The following MROH2B variants were observed in gnomAD, a reference collection of about 807,000 sequenced individuals.
MROH2B encodes maestro heat like repeat family member 2B, also known as maestro heat-like repeat-containing protein family member 2B.
Under a neutral mutation model 208.6 loss-of-function variants are expected in MROH2B, and 177 were observed. The ratio of observed to expected loss-of-function variants is 0.85; its 90% CI spans 0.75 to 0.96. The LOEUF is 0.96. Among genes scored for constraint, MROH2B ranks in the 40% least tolerant of loss-of-function variants. MROH2B has a pLI of 0.00. For missense variants in MROH2B, 2,002 were observed against 1,878.7 expected, an observed-to-expected ratio of 1.07 and a Z score of -1.21; for synonymous variants, 728 against 659.0, an observed-to-expected ratio of 1.10 and a Z score of -1.60.
rs1743391714 is a variant in MROH2B, at chr5:41,054,779, A to T, written c.1095T>A (p.Asp365Glu). The change falls in exon 11 of 42, where the codon GAT becomes GAA. Residue 365 changes from aspartate (D) to glutamate (E), a missense_variant. Transcript: ENST00000399564. ...IERTVKIVMG[D>E]LSTKVRNSVL... ...TTAATTCTCTTACTTTTGTACTGAG[A>T]TCACCCATGACGATTTTGACTGTTC... 3 of 1,610,308 alleles carry T rather than the reference A, an allele frequency of 1.9e-6. No homozygotes were observed. The highest frequency in any genetic ancestry group is 2.7e-5 in the African/African-American group (2 of 74,800).
intron 6 of MROH2B, among the ~76,000 whole-genome samples, chr5:41,061,340 G>T (rs1164344203): frequency 6.6e-6 from 1 of 152,068 alleles, no homozygotes. Flanking sequence ...TACAACCTCG[G>T]CATCTGGAAT....
At chr5:41,000,858 G>A in intron 37 of MROH2B, 25 bp from the exon 38 acceptor site, 1 of 1,597,106 alleles carries the variant, frequency 6.3e-7, no homozygotes, top group Non-Finnish European at 8.5e-7. Flanking sequence ...GCATGTCGTG[G>A]TGAATATCCT....
intron 24 of MROH2B, among the ~76,000 whole-genome samples, chr5:41,021,434 A>C (rs1742144552): frequency 6.6e-6 from 1 of 152,216 alleles, no homozygotes; most frequent in Admixed American, 6.5e-5. Context: ...AGAAATAGAA[A>C]AATTCATCCT....
At chr5:41,041,682 A>G (rs325853) in intron 19 of MROH2B, among the ~76,000 whole-genome samples, 129,700 of 152,114 alleles carry the variant, frequency 0.85, 55,494 homozygotes, top group Middle Eastern at 0.89. Context: ...ATTTATATAT[A>G]CTCTATAGCC....
chr5:41,003,704 G>A (rs1741480057), intron 37 of MROH2B, among the ~76,000 whole-genome samples: 1 of 152,204 alleles, frequency 6.6e-6, no homozygotes, highest in African/African-American at 2.4e-5. Flanking sequence ...GAATGCACTA[G>A]AGAAGGCAAC....
intron 21 of MROH2B, among the ~76,000 whole-genome samples, chr5:41,037,408 C>A (rs1220331195): frequency 1.3e-5 from 2 of 152,160 alleles, no homozygotes; most frequent in Admixed American, 1.3e-4. Context: ...TCTTGAGGAG[C>A]ATGTTGAAAA....
chr5:41,018,298 G>C (rs1368950071), intron 27 of MROH2B, 43 bp downstream of exon 27: 1 of 1,557,014 alleles, frequency 6.4e-7, no homozygotes, highest in Non-Finnish European at 8.8e-7. Context: ...GATCCCTGCT[G>C]TTCACAAGCA....
intron 28 of MROH2B, 112 bp from the exon 29 acceptor site, chr5:41,015,590 G>T: frequency 1.2e-6 from 1 of 869,512 alleles, no homozygotes; most frequent in Non-Finnish European, 1.8e-6. Flanking sequence ...ATGAGATGGT[G>T]AACATAAGCG....
In MROH2B at chr5:41,071,297, T is replaced by G. The variant is rs1013315812; in HGVS notation, c.-445A>C. ...CCTGATGTTGGGAAAGGCTTTATGG[T>G]GAACTCGTTGATTGTTACACTTAGT... On this transcript the variant is annotated 5_prime_UTR_variant, in exon 1 of 42. Coordinates refer to ENST00000399564, the MANE Select transcript of MROH2B (RefSeq NM_173489.5). 1 of 172,456 alleles carries G rather than the reference T, an allele frequency of 5.8e-6. No homozygotes were observed. The highest frequency in any genetic ancestry group is 1.5e-4 in the East Asian group (1 of 6,452). 10.7% of individuals were successfully genotyped at this position (172,456 alleles called of 1,614,324 possible). A position where few individuals can be genotyped will look rare whatever the true frequency, so the allele number is the denominator to read the frequency against.
At chr5:41,025,360 C>A (rs1159267215) in intron 24 of MROH2B, among the ~76,000 whole-genome samples, 1 of 152,076 alleles carries the variant, frequency 6.6e-6, no homozygotes, top group African/African-American at 2.4e-5. Context: ...GATATCACCA[C>A]CGATCCCACA....
intron 2 of MROH2B, among the ~76,000 whole-genome samples, chr5:41,068,133 A>G (rs1221657541): frequency 1.3e-5 from 2 of 152,092 alleles, no homozygotes; most frequent in Non-Finnish European, 2.9e-5. Context: ...GTGTACTGAA[A>G]TCTCCAACAG....
At chr5:41,016,320 G>T (rs574655236) in intron 28 of MROH2B, among the ~76,000 whole-genome samples, 12 of 152,050 alleles carry the variant, frequency 7.9e-5, no homozygotes, top group Non-Finnish European at 1.2e-4. Flanking sequence ...CGGCGAAAAT[G>T]TCGATGTAAA....
In MROH2B at chr5:41,042,208, T is replaced by A; in HGVS notation, c.1837A>T (p.Lys613Ter). The A allele has an allele frequency of 6.5e-7, 1 of 1,538,186 alleles. No individual in the cohort carries two copies. The highest frequency in any genetic ancestry group is 8.9e-7 in the Non-Finnish European group (1 of 1,129,138). The part of the protein sequence containing the change: ...GSYSNNSTEK[K>*]FLWKALGTTL... ...GTTCCCAAGGCTTTCCAAAGGAATT[T>A]CTGGAAAACAAAAGATAAGCAACAG... The change falls in exon 19 of 42, where the codon AAA becomes TAA. Residue 613 changes from lysine to a stop codon, truncating the protein, a stop_gained and splice_region_variant. Coordinates refer to ENST00000399564, the MANE Select transcript of MROH2B (RefSeq NM_173489.5). LOFTEE classifies it high-confidence loss of function.
At chr5:41,033,306 A>G in intron 22 of MROH2B, 146 bp from the exon 23 acceptor site, 4 of 1,176,336 alleles carry the variant, frequency 3.4e-6, no homozygotes, top group Non-Finnish European at 4.7e-6. Flanking sequence ...ACTAGGGTCT[A>G]AGTTGCAGGG....
chr5:41,057,563 C>CTTGTTTTTTTTTTTTTTTTTTTTTTTT (rs1743498394), intron 7 of MROH2B, among the ~76,000 whole-genome samples: 1 of 73,252 alleles, frequency 1.4e-5, no homozygotes, highest in Non-Finnish European at 2.4e-5. Context: ...AATATCCCTC[C>CTTGTTTTTTTTTTTTTTTTTTTTTTTT]TTTTTTTTTT....
At chr5:41,065,910 G>A (rs1399067334) in intron 3 of MROH2B, among the ~76,000 whole-genome samples, 2 of 152,174 alleles carry the variant, frequency 1.3e-5, no homozygotes. Context: ...GACGAAGGGA[G>A]AACAGGCTGT....
chr5:41,036,891 T>C (rs1742782979), intron 21 of MROH2B, among the ~76,000 whole-genome samples: 1 of 152,170 alleles, frequency 6.6e-6, no homozygotes, highest in Admixed American at 6.6e-5. Context: ...CTGATGGAGT[T>C]TTTTGAGTGT....
chr5:41,065,264 C>T lies in MROH2B; in HGVS notation c.361+67G>A, dbSNP rs1332018875. 5 of 1,469,514 alleles carry T rather than the reference C, an allele frequency of 3.4e-6. No homozygotes were observed. The African/African-American group carries it at 4.2e-5, about 12-fold the overall frequency. The allele number at this position is 1,469,514 out of a possible 1,614,324, so 91.0% of individuals were successfully genotyped here. A position where few individuals can be genotyped will look rare whatever the true frequency, so the allele number is the denominator to read the frequency against. ...TGCTATCTCTTCTACCGTTTGCTCC[C>T]ATTTAGCTTTTAGACAATTAGAAGT... On this transcript the variant is annotated intron_variant, in intron 4 of 41. Coordinates refer to ENST00000399564, the MANE Select transcript of MROH2B (RefSeq NM_173489.5).
chr5:41,017,365 T>C (rs1242340940), intron 28 of MROH2B, among the ~76,000 whole-genome samples: 1 of 152,234 alleles, frequency 6.6e-6, no homozygotes, highest in African/African-American at 2.4e-5. Context: ...TAGAGAGCTT[T>C]GAAAGGCACT....
Sources: gnomAD v4.1 joint callset for allele counts (sites outside exome capture counted in the v4.1 genomes callset) on GRCh38, gnomAD v4.1.1 for gene constraint, MANE v1.5 for transcripts, NCBI Gene and HGNC (gene_info 2026-07-23, HGNC 2026-07-21) for gene names.